The following DRC9 variants were observed in gnomAD, a reference collection of about 807,000 sequenced individuals.
DRC9 encodes the protein dynein regulatory complex subunit 9, also known as dynein regulatory complex protein 9.
the DRC9 span, among the ~76,000 whole-genome samples, chr3:197,898,149 C>T: frequency 3.4e-4 from 52 of 152,162 alleles, no homozygotes; most frequent in East Asian, 7.4e-3. Context: ...CCTCCAGTGA[C>T]GGGGCTGTTG....
the DRC9 span, among the ~76,000 whole-genome samples, chr3:197,928,359 G>GT: frequency 1.3e-5 from 1 of 79,534 alleles, no homozygotes; most frequent in South Asian, 3.7e-4. Context: ...TTTTTTTTTT[G>GT]TTTTTTTGAG....
At chr3:197,953,714 A>G in the DRC9 span, 6 of 481,924 alleles carry the variant, frequency 1.2e-5, no homozygotes, top group Admixed American at 3.3e-5. Flanking sequence ...CTTTTTTGCT[A>G]TTTTTTCAAT....
At chr3:197,945,724 C>T in the DRC9 span, 7 of 794,668 alleles carry the variant, frequency 8.8e-6, no homozygotes, top group East Asian at 7.5e-5. Flanking sequence ...AGTTTATGGG[C>T]GTCTTGAATG....
At chr3:197,896,164 G>A in the DRC9 span, among the ~76,000 whole-genome samples, 1 of 151,638 alleles carries the variant, frequency 6.6e-6, no homozygotes, top group South Asian at 2.1e-4. Context: ...CCAACATGGA[G>A]AAACCCCGTC....
At chr3:197,921,596 C>T in the DRC9 span, among the ~76,000 whole-genome samples, 32,795 of 133,072 alleles carry the variant, frequency 0.25, 5,398 homozygotes, top group African/African-American at 0.46. Context: ...AGTAACTCTG[C>T]GGATTTAACC....
the DRC9 span, chr3:197,950,242 T>C: frequency 8.1e-7 from 1 of 1,230,782 alleles, no homozygotes; most frequent in South Asian, 4.2e-5. Flanking sequence ...GGTCTGCTGC[T>C]GAAATTTGGG....
chr3:197,919,688 A>G, the DRC9 span, among the ~76,000 whole-genome samples: 2 of 152,200 alleles, frequency 1.3e-5, no homozygotes, highest in African/African-American at 4.8e-5. Context: ...CTGCCATAAT[A>G]ACGTGAGCCA....
the DRC9 span, among the ~76,000 whole-genome samples, chr3:197,932,852 A>C: frequency 7.1e-6 from 1 of 140,642 alleles, no homozygotes; most frequent in African/African-American, 2.6e-5. Context: ...TATATATAAT[A>C]TACATTATAT....
At chr3:197,915,163 C>CAAAAAAAAAAAAAAAAAAAAA in the DRC9 span, among the ~76,000 whole-genome samples, 5 of 71,328 alleles carry the variant, frequency 7.0e-5, no homozygotes, top group South Asian at 5.3e-4. Flanking sequence ...GATTCTGTCT[C>CAAAAAAAAAAAAAAAAAAAAA]AAAAAAAAAA....
chr3:197,950,861 G>C, the DRC9 span: 15 of 1,388,194 alleles, frequency 1.1e-5, no homozygotes, highest in Non-Finnish European at 1.2e-5. Flanking sequence ...TTTGCTTTAG[G>C]GGCTTAAACG....
chr3:197,956,038 C>CA, the DRC9 span: 1 of 453,962 alleles, frequency 2.2e-6, no homozygotes, highest in Non-Finnish European at 4.1e-6. Context: ...GTGCTCGCTG[C>CA]AGCCTCACAT....
the DRC9 span, chr3:197,889,683 C>T: frequency 8.1e-6 from 13 of 1,613,954 alleles, no homozygotes; most frequent in East Asian, 2.2e-5. Flanking sequence ...AATTTCTCTC[C>T]GTATCATAGT....
the DRC9 span, among the ~76,000 whole-genome samples, chr3:197,899,127 C>CT: frequency 2.7e-3 from 418 of 152,124 alleles, 5 homozygotes; most frequent in African/African-American, 9.0e-3. Flanking sequence ...ATCAATAATC[C>CT]TTTTTTTACA....
chr3:197,915,188 AAAAAGAAAAAAAGG>A, the DRC9 span, among the ~76,000 whole-genome samples: 29 of 149,098 alleles, frequency 1.9e-4, 1 homozygote, highest in Admixed American at 4.1e-4. Context: ...AAAAGAAAAG[AAAAAGAAAAAAAGG>A]AAAGAAAAAG....
At chr3:197,950,404 C>CATCAG in the DRC9 span, 1 of 1,070,394 alleles carries the variant, frequency 9.3e-7, no homozygotes, top group Non-Finnish European at 1.2e-6. Context: ...CCCCTGACAC[C>CATCAG]CGGAGAACGG....
At chr3:197,912,829 G>C in the DRC9 span, 1 of 1,154,254 alleles carries the variant, frequency 8.7e-7, no homozygotes, top group Admixed American at 1.8e-5. Context: ...GCAGCAGCTC[G>C]GTCGGTAGCT....
At chr3:197,954,389 A>G in the DRC9 span, 1 of 553,734 alleles carries the variant, frequency 1.8e-6, no homozygotes, top group Non-Finnish European at 3.2e-6. Flanking sequence ...GCTGGGGTGC[A>G]GTGGCATAAT....
At chr3:197,913,536 A>G in the DRC9 span, 1 of 430,534 alleles carries the variant, frequency 2.3e-6, no homozygotes. Context: ...AAGAAACAGC[A>G]GCAAAATCCT....
At chr3:197,955,861 T>C in the DRC9 span, 1 of 1,111,856 alleles carries the variant, frequency 9.0e-7, no homozygotes, top group South Asian at 1.2e-5. Flanking sequence ...ATTGATTTGC[T>C]ACATGCTTAA....
Sources: allele counts gnomAD v4.1 joint callset (sites outside exome capture counted in the v4.1 genomes callset), GRCh38; gene constraint gnomAD v4.1.1; transcripts MANE v1.5; gene names NCBI Gene and HGNC (gene_info 2026-07-23, HGNC 2026-07-21).